The following APOL2 variants were observed in gnomAD, a reference collection of about 807,000 sequenced individuals.
The protein encoded by APOL2 is apolipoprotein L, 2.
APOL2 carries 8 observed loss-of-function variants against 7.1 expected under a neutral mutation model. The observed-to-expected ratio is 1.12, with a 90% CI of 0.66 to 2.03. The LOEUF is 2.03. Among genes scored for constraint, APOL2 ranks in the 30% most tolerant of loss-of-function variants. The pLI is 0.00. For synonymous variants in APOL2, 177 were observed against 159.9 expected (o/e 1.11, Z -0.81); for missense variants, 471 against 415.1 (o/e 1.13, Z -1.17).
chr22:36,228,791 G>A (rs913831266), intron 4 of APOL2, among the ~76,000 whole-genome samples: 2 of 152,158 alleles, frequency 1.3e-5, no homozygotes, highest in African/African-American at 2.4e-5. Flanking sequence ...ATTTGGCCAC[G>A]GGACAGTATA....
At chr22:36,229,085 T>A (rs533794126) in intron 4 of APOL2, among the ~76,000 whole-genome samples, 1 of 152,308 alleles carries the variant, frequency 6.6e-6, no homozygotes, top group South Asian at 2.1e-4. Context: ...TTGCACCACC[T>A]TGGCTCAGCA....
rs2015528827 is a variant in APOL2, at chr22:36,239,464, A to G, written c.-157T>C. On this transcript the variant is annotated 5_prime_UTR_variant, in exon 1 of 5. Transcript: ENST00000358502. Reference sequence around the variant, plus strand: ...ACCAAGGGATCTTCCTCTGACAGAGACTGAGCAAGATCCAACTGTTCTGAG... The same window carrying G: ...ACCAAGGGATCTTCCTCTGACAGAGGCTGAGCAAGATCCAACTGTTCTGAG... The G allele has an allele frequency of 1.3e-6, 2 of 1,570,370 alleles. No homozygotes were observed. Among genetic ancestry groups the G allele is most frequent in the Non-Finnish European group, 1.7e-6 (2 of 1,164,598 alleles).
chr22:36,239,841 G>GC (rs1748022247), upstream of APOL2: 3 of 319,838 alleles, frequency 9.4e-6, no homozygotes, highest in Non-Finnish European at 1.8e-5. Flanking sequence ...TGAGCCGCTT[G>GC]CCCCCCAACC....
At chr22:36,235,476 T>C (rs760615565) in intron 1 of APOL2, among the ~76,000 whole-genome samples, 2 of 152,114 alleles carry the variant, frequency 1.3e-5, no homozygotes, top group African/African-American at 2.4e-5. Flanking sequence ...AAATATTTTA[T>C]TCATAAACTT....
chr22:36,231,313 C>T (rs764853008), intron 4 of APOL2, 27 bp downstream of exon 4: 11 of 1,610,152 alleles, frequency 6.8e-6, no homozygotes, highest in South Asian at 1.1e-5. Flanking sequence ...CTGGGGCGCC[C>T]CATGGAGTTA....
Position 36,227,885 on chromosome 22 carries a change from C to G in APOL2, c.533G>C (p.Arg178Pro), listed in dbSNP as rs201102526. Residue 178 changes from arginine (R) to proline (P), a missense_variant, in exon 5 of 5, where the codon CGA (arginine) becomes CCA (proline). Transcript: ENST00000358502. ...VVELVNKLRA[R>P]AQARNLDQSG... ...TTGGTCCAAGTTGCGGGCTTGGGCTCGTGCCCGCAATTTGTTTACTAGTTC... is the reference window on the plus strand; with the variant it reads ...TTGGTCCAAGTTGCGGGCTTGGGCTGGTGCCCGCAATTTGTTTACTAGTTC... 7.4e-6 allele frequency: 12 copies of G among 1,614,082 alleles called. No homozygotes were observed. Among genetic ancestry groups the G allele is most frequent in the Non-Finnish European group, 7.6e-6 (9 of 1,180,052 alleles).
chr22:36,239,788 A>T, upstream of APOL2: 1 of 449,540 alleles, frequency 2.2e-6, no homozygotes, highest in Non-Finnish European at 4.1e-6. Flanking sequence ...TGTCTCAGGC[A>T]GTCAGAACCA....
Position 36,228,066 on chromosome 22 carries a change from C to T in APOL2, c.352G>A (p.Val118Met), listed in dbSNP as rs2015082606. The change falls in exon 5 of 5, where the codon GTG (valine) becomes ATG (methionine). Residue 118 changes from valine (V) to methionine (M), a missense_variant. Coordinates refer to ENST00000358502, the MANE Select transcript of APOL2 (RefSeq NM_030882.4). The part of the protein sequence containing the change: ...QVHRGTTIAN[V>M]VSNSVGTTSG... ...GTAGTGCCAACAGAGTTGGACACCA[C>T]ATTGGCAATGGTGGTGCCTCTGTGG... The T allele has an allele frequency of 1.2e-6, 2 of 1,614,234 alleles. No individual in the cohort carries two copies. The highest frequency in any genetic ancestry group is 8.5e-7 in the Non-Finnish European group (1 of 1,180,042).
chr22:36,236,896 G>A (rs924071856), intron 1 of APOL2: 48 of 1,293,934 alleles, frequency 3.7e-5, no homozygotes, highest in East Asian at 3.1e-4. Flanking sequence ...TGTAAGGGAC[G>A]GGGTGACGGG....
rs367911047 is a variant in APOL2 at position 36,231,378 on chromosome 22, T to C, written c.99A>G (p.Glu33=). 20 of 1,614,050 alleles carry C rather than the reference T, an allele frequency of 1.2e-5. No individual in the cohort carries two copies. The African/African-American group carries it at 2.5e-4, about 20-fold the overall frequency. Residue 33 remains glutamate (E), a synonymous_variant, in exon 4 of 5, where the codon GAA becomes GAG. Coordinates refer to ENST00000358502, the MANE Select transcript of APOL2 (RefSeq NM_030882.4). ...CAGCAGCCACGAATCCATTCCAGGC[T>C]TCATCATCAGTCAGCAGTTGTAGCA... ...ENLLQLLTDD[E]AWNGFVAAAE... is the part of the protein sequence containing the mutation.
intron 4 of APOL2, 27 bp from the exon 5 acceptor site, chr22:36,228,307 AG>A (rs2015096805): frequency 2.5e-6 from 4 of 1,586,838 alleles, no homozygotes. Flanking sequence ...TAAAGGATTA[AG>A]AAATGCAGTT....
chr22:36,233,260 A>C lies in APOL2; in HGVS notation c.-79-19T>G. ...CTTAACCCTTGAGAACGAGAAAACA[A>C]ATTGTGGGATCGAAGGTGAGCCTCC... On this transcript the variant is annotated intron_variant, in intron 2 of 4. Coordinates refer to ENST00000358502, the MANE Select transcript of APOL2 (RefSeq NM_030882.4). 6.2e-7 allele frequency: 1 copy of C among 1,613,694 alleles called. No homozygotes were observed. The highest frequency in any genetic ancestry group is 1.3e-5 in the African/African-American group (1 of 75,024).
In APOL2 at chr22:36,227,646, C is replaced by T; in HGVS notation, c.772G>A (p.Glu258Lys). 1 of 1,614,228 alleles carries T rather than the reference C, an allele frequency of 6.2e-7. No individual in the cohort carries two copies. Among genetic ancestry groups the T allele is most frequent in the East Asian group, 2.2e-5 (1 of 44,884 alleles). ...RISAEGGEQV[E>K]RVVEGPAQAM... ...TGGGCGGGGCCTTCAACAACCCTCT[C>T]AACCTGTTCACCGCCTTCAGCTGAG... Residue 258 changes from glutamate to lysine, a missense_variant, in exon 5 of 5, where the codon GAG becomes AAG. Transcript: ENST00000358502.
chr22:36,227,456 A>T lies in APOL2; in HGVS notation c.962T>A (p.Leu321His). The T allele has an allele frequency of 6.2e-7, 1 of 1,612,676 alleles. No individual in the cohort carries two copies. The highest frequency in any genetic ancestry group is 8.5e-7 in the Non-Finnish European group (1 of 1,179,574). ...CTCATGGATCTTGGTGAGAAAGTTGAGCTTCCCCTCCAGCTCCTGAGCCCG... is the reference window on the plus strand; with the variant it reads ...CTCATGGATCTTGGTGAGAAAGTTGTGCTTCCCCTCCAGCTCCTGAGCCCG... ...KKRAQELEGKLNFLTKIHEML... is the reference protein window; with the variant it reads ...KKRAQELEGKHNFLTKIHEML... The change falls in exon 5 of 5, where the codon CTC (leucine) becomes CAC (histidine). Residue 321 changes from leucine to histidine, a missense_variant. Coordinates refer to ENST00000358502, the MANE Select transcript of APOL2 (RefSeq NM_030882.4).
chr22:36,227,567 A>T lies in APOL2; in HGVS notation c.851T>A (p.Leu284His). The T allele has an allele frequency of 1.2e-6, 2 of 1,614,238 alleles. No homozygotes were observed. Among genetic ancestry groups the T allele is most frequent in the Middle Eastern group, 3.3e-4 (2 of 6,062 alleles). The change falls in exon 5 of 5, where the codon CTT (leucine) becomes CAT (histidine). Residue 284 changes from leucine to histidine, a missense_variant. By Grantham distance (99) the Leu-to-His change is moderately conservative. Coordinates refer to ENST00000358502, the MANE Select transcript of APOL2 (RefSeq NM_030882.4). The stretch of plus-strand genomic sequence containing the variant: ...TGCAAGGCTGACCACATCCAGCAGA[A>T]GCAAGATGCCTCCAGTGGCTGCACC... ...IVGAATGGILLLLDVVSLAYE... is the reference protein window; with the variant it reads ...IVGAATGGILHLLDVVSLAYE...
At chr22:36,239,031 T>C in intron 1 of APOL2, 1 of 817,042 alleles carries the variant, frequency 1.2e-6, no homozygotes, top group Non-Finnish European at 1.6e-6. Context: ...CCAGCCTGGG[T>C]GTGGCCCGGC....
Position 36,227,987 on chromosome 22 carries a change from A to G in APOL2, c.431T>C (p.Ile144Thr). The change falls in exon 5 of 5, where the codon ATC becomes ACC. Residue 144 changes from isoleucine to threonine, a missense_variant. Transcript: ENST00000358502. ...GCCAGTGTCCAAGAGCACAAAACTG[A>G]TTCCTTCTGTGAAGGGTGCCAGACC... ...GLGLAPFTEG[I>T]SFVLLDTGMG... The G allele has an allele frequency of 6.2e-7, 1 of 1,614,180 alleles. No homozygotes were observed. Among genetic ancestry groups the G allele is most frequent in the Non-Finnish European group, 8.5e-7 (1 of 1,180,030 alleles).
At chr22:36,236,687 A>C in intron 1 of APOL2, 2 of 984,862 alleles carry the variant, frequency 2.0e-6, no homozygotes, top group Non-Finnish European at 2.4e-6. Flanking sequence ...GTTCCCGGGC[A>C]TCCTCCAGCT....
In APOL2 at chr22:36,227,651, T is replaced by C. The variant is rs1359742815; in HGVS notation, c.767A>G (p.Gln256Arg). Reference sequence around the variant, plus strand: ...GGGGCCTTCAACAACCCTCTCAACCTGTTCACCGCCTTCAGCTGAGATTCG... The same window carrying C: ...GGGGCCTTCAACAACCCTCTCAACCCGTTCACCGCCTTCAGCTGAGATTCG... ...IGRISAEGGE[Q>R]VERVVEGPAQ... is the part of the protein sequence containing the mutation. Residue 256 changes from glutamine to arginine, a missense_variant, in exon 5 of 5, where the codon CAG becomes CGG. By Grantham distance (43) the Gln-to-Arg change is conservative. Transcript: ENST00000358502. 3 of 1,614,242 alleles carry C rather than the reference T, an allele frequency of 1.9e-6. No homozygotes were observed. Among genetic ancestry groups the C allele is most frequent in the Non-Finnish European group, 2.5e-6 (3 of 1,180,038 alleles).
Sources: allele counts gnomAD v4.1 joint callset (sites outside exome capture counted in the v4.1 genomes callset), GRCh38; gene constraint gnomAD v4.1.1; transcripts MANE v1.5; gene names NCBI Gene and HGNC (gene_info 2026-07-23, HGNC 2026-07-21).